Variants in BNC2 observed in about 807,000 individuals in gnomAD.
The protein encoded by BNC2 is zinc finger protein basonuclin-2.
BNC2 carries 20 observed loss-of-function variants against 76.3 expected under a neutral mutation model. The observed-to-expected ratio is 0.26, with a 90% CI of 0.18 to 0.38. The LOEUF (loss-of-function observed/expected upper bound fraction) is 0.38, where lower values mean the gene tolerates loss of function less well. BNC2 is among the 10% of genes least tolerant of loss of function. The probability of loss-of-function intolerance (pLI) is 1.00; values close to 1 mark genes in which losing one functional copy is unlikely to be tolerated. For missense variants in BNC2, 1,382 were observed against 1,399.8 expected, an observed-to-expected ratio of 0.99 and a Z score of 0.20; for synonymous variants, 582 against 514.8, an observed-to-expected ratio of 1.13 and a Z score of -1.77.
At chr9:16,806,669 C>G (rs556390002) in intron 1 of BNC2, among the ~76,000 whole-genome samples, 5 of 152,286 alleles carry the variant, frequency 3.3e-5, no homozygotes, top group Admixed American at 2.0e-4. Flanking sequence ...GCTTAAGTAA[C>G]AGCCTTAATG....
intron 5 of BNC2, among the ~76,000 whole-genome samples, chr9:16,509,485 T>G (rs1294615375): frequency 6.6e-6 from 1 of 152,180 alleles, no homozygotes; most frequent in East Asian, 1.9e-4. Context: ...ATACTGGGAA[T>G]CCATACCACG....
chr9:16,681,684 T>C (rs1822825967), intron 3 of BNC2, among the ~76,000 whole-genome samples: 1 of 152,204 alleles, frequency 6.6e-6, no homozygotes, highest in Non-Finnish European at 1.5e-5. Context: ...GATCTTCAGA[T>C]ATACTCTACT....
intron 1 of BNC2, among the ~76,000 whole-genome samples, chr9:16,863,268 T>C (rs951119358): frequency 1.6e-4 from 25 of 152,170 alleles, no homozygotes; most frequent in Non-Finnish European, 8.8e-5. Flanking sequence ...GGCTGGGGCA[T>C]AGCCCTAGGA....
rs1821005231 is a variant in BNC2, at chr9:16,436,064, G to A, written c.2130C>T (p.Ser710=). 6.2e-7 allele frequency: 1 copy of A among 1,614,144 alleles called. No individual in the cohort carries two copies. Among genetic ancestry groups the A allele is most frequent in the Non-Finnish European group, 8.5e-7 (1 of 1,180,028 alleles). The change falls in exon 6 of 7, where the codon AGC becomes AGT. Residue 710 remains serine, a synonymous_variant. Transcript: ENST00000380672. Reference sequence around the variant, plus strand: ...CAGGTTCTTGGTCTTCAGAAGTCATGCTGTCGGCCCTCCTTATTTCAGTCC... The same window carrying A: ...CAGGTTCTTGGTCTTCAGAAGTCATACTGTCGGCCCTCCTTATTTCAGTCC... ...ISRTEIRRAD[S]MTSEDQEPER...
intron 3 of BNC2, among the ~76,000 whole-genome samples, chr9:16,686,504 CAT>C (rs1324475115): frequency 1.3e-5 from 2 of 152,176 alleles, no homozygotes; most frequent in African/African-American, 4.8e-5. Context: ...TCACACTAAT[CAT>C]ATATCTGTCT....
At chr9:16,518,598 T>C (rs1460996134) in intron 5 of BNC2, among the ~76,000 whole-genome samples, 1 of 111,254 alleles carries the variant, frequency 9.0e-6, no homozygotes, top group Non-Finnish European at 1.7e-5. Context: ...GTTGTTGTTG[T>C]TGTTTGTTTG....
At position 16,419,356 on chromosome 9, in the gene BNC2, C is replaced by G. The variant is rs1563774389; in HGVS notation, c.2933G>C (p.Arg978Thr). ...LQSSSSIHSS[R>T]ESDAGSDEGI... ...CTCATCGCTGCCTGCGTCGGATTCT[C>G]TGGAGGAATGGATACTGCTGCTGGA... Residue 978 changes from arginine (R) to threonine (T), a missense_variant, in exon 7 of 7, where the codon AGA (arginine) becomes ACA (threonine). This residue lies in a region of BNC2 where 798 missense variants were observed against 775.5 expected (regional missense o/e 1.03). Coordinates refer to ENST00000380672, the MANE Select transcript of BNC2 (RefSeq NM_017637.6). 6.2e-7 allele frequency: 1 copy of G among 1,609,436 alleles called. No homozygotes were observed. Among genetic ancestry groups the G allele is most frequent in the African/African-American group, 1.3e-5 (1 of 74,886 alleles).
chr9:16,699,079 T>C (rs1411986844), intron 3 of BNC2: 2 of 414,212 alleles, frequency 4.8e-6, no homozygotes, highest in Non-Finnish European at 9.6e-6. Context: ...TTTAAGTTAC[T>C]TTTGGTTTGG....
At position 16,793,855 on chromosome 9, in the gene BNC2, T is replaced by G. The variant is rs1238350726; in HGVS notation, c.4-55370A>C. Among the ~76,000 whole-genome samples the G allele has an allele frequency of 6.7e-3, 581 of 86,352 alleles. 7 individuals are homozygous for G. The highest frequency in any genetic ancestry group is 0.018 in the African/African-American group (565 of 31,198). The allele number at this position is 86,352 out of a possible 152,430, so 56.7% of individuals were successfully genotyped here. A position where few individuals can be genotyped will look rare whatever the true frequency, so the allele number is the denominator to read the frequency against. ...CCCAGCTAGTTTTTGTTTTTTGTGG[T>G]TTTTGTTTTTTTGTTTTTTTTTTTT... On this transcript the variant is annotated intron_variant, in intron 1 of 6. Coordinates refer to ENST00000380672, the MANE Select transcript of BNC2 (RefSeq NM_017637.6).
rs1822800268 is a variant in BNC2 at position 16,513,215 on chromosome 9, T to C, written c.669+39315A>G. On this transcript the variant is annotated intron_variant, in intron 5 of 6. Transcript: ENST00000380672. ...ATGAAAGGTATAGAATGTTATTTATTACTATTTTCCCCTCAAAATGTGAAA... is the reference window on the plus strand; with the variant it reads ...ATGAAAGGTATAGAATGTTATTTATCACTATTTTCCCCTCAAAATGTGAAA... 2.0e-5 allele frequency among the ~76,000 whole-genome samples: 3 copies of C among 152,172 alleles called. 1 individual carries two copies. Among genetic ancestry groups the C allele is most frequent in the South Asian group, 2.1e-4 (1 of 4,820 alleles).
chr9:16,700,369 T>C (rs937891331), intron 3 of BNC2, among the ~76,000 whole-genome samples: 2 of 152,058 alleles, frequency 1.3e-5, no homozygotes, highest in African/African-American at 4.8e-5. Flanking sequence ...CTACAAAAAA[T>C]TAGCCAGGCT....
At chr9:16,518,475 T>A (rs1021271931) in intron 5 of BNC2, among the ~76,000 whole-genome samples, 3 of 152,192 alleles carry the variant, frequency 2.0e-5, no homozygotes, top group Admixed American at 1.3e-4. Context: ...CTTTTAGGTA[T>A]AAAGGGCAAA....
intron 5 of BNC2, among the ~76,000 whole-genome samples, chr9:16,521,359 C>T (rs1817614025): frequency 6.6e-6 from 1 of 152,166 alleles, no homozygotes; most frequent in African/African-American, 2.4e-5. Context: ...AATAAAAGGT[C>T]TAAGTGGGAA....
intron 1 of BNC2, among the ~76,000 whole-genome samples, chr9:16,788,229 G>T (rs1321010736): frequency 6.6e-6 from 1 of 152,102 alleles, no homozygotes; most frequent in Non-Finnish European, 1.5e-5. Flanking sequence ...AACCACAGAT[G>T]AACTGACTTG....
intron 1 of BNC2, among the ~76,000 whole-genome samples, chr9:16,869,053 T>C (rs1385527334): frequency 1.3e-5 from 2 of 152,152 alleles, no homozygotes; most frequent in African/African-American, 4.8e-5. Flanking sequence ...TAACATAGGC[T>C]AGGGTAAAGG....
In BNC2 at chr9:16,412,938, A is replaced by C. The variant is rs1326061525; in HGVS notation, c.*6051T>G. 2 of 152,716 alleles carry C rather than the reference A, an allele frequency of 1.3e-5. No homozygotes were observed. The highest frequency in any genetic ancestry group is 2.9e-5 in the Non-Finnish European group (2 of 68,078). 9.5% of individuals were successfully genotyped at this position (152,716 alleles called of 1,614,324 possible). On this transcript the variant is annotated 3_prime_UTR_variant, in exon 7 of 7. Transcript: ENST00000380672. ...TATTAGTTTGTGTCCCTTCAGGGCC[A>C]GGGCAATAAGTAGCCAGGAGAGCTG...
chr9:16,570,036 A>C (rs552183746), intron 4 of BNC2, among the ~76,000 whole-genome samples: 27 of 152,318 alleles, frequency 1.8e-4, no homozygotes, highest in African/African-American at 6.5e-4. Context: ...ATTAAACAAA[A>C]ATACGAATTC....
chr9:16,553,064 C>G (rs1392358679), intron 4 of BNC2, among the ~76,000 whole-genome samples: 2 of 152,030 alleles, frequency 1.3e-5, no homozygotes, highest in Non-Finnish European at 2.9e-5. Context: ...TTCAAATGAC[C>G]GTGGCTGGTG....
rs564126419 is a variant in BNC2 at position 16,460,196 on chromosome 9, A to C, written c.670-22672T>G. On this transcript the variant is annotated intron_variant, in intron 5 of 6. Transcript: ENST00000380672. The stretch of plus-strand genomic sequence containing the variant: ...ATAGTACATCATTGAAGGGAAATTC[A>C]GTAAAAGATCACTGTTATTACAAAG... Among the ~76,000 whole-genome samples the C allele has an allele frequency of 7.9e-5, 12 of 152,354 alleles. No homozygotes were observed. In the South Asian group the frequency reaches 2.5e-3, roughly 32 times the overall value.
Sources: allele counts gnomAD v4.1 joint callset (sites outside exome capture counted in the v4.1 genomes callset), GRCh38; gene constraint gnomAD v4.1.1; regional missense constraint gnomAD v4.1.1; transcripts MANE v1.5; gene names NCBI Gene and HGNC (gene_info 2026-07-23, HGNC 2026-07-21).